QRICH2: variants seen among roughly 807,000 people sequenced by gnomAD.
QRICH2 encodes glutamine rich 2, also known as glutamine-rich protein 2.
In QRICH2, 119 loss-of-function variants were observed where a neutral mutation model predicts 168.3. The ratio of observed to expected loss-of-function variants is 0.71; its 90% CI spans 0.61 to 0.82. QRICH2 has a LOEUF of 0.82. QRICH2 is among the 40% of genes least tolerant of loss of function. The pLI is 0.00. For missense variants in QRICH2, 2,241 were observed against 2,491.6 expected, an observed-to-expected ratio of 0.90 and a Z score of 2.14; for synonymous variants, 894 against 951.2, an observed-to-expected ratio of 0.94 and a Z score of 1.11.
chr17:76,300,473 T>A (rs1294850704), intron 3 of QRICH2, among the ~76,000 whole-genome samples: 1 of 152,006 alleles, frequency 6.6e-6, no homozygotes, highest in East Asian at 1.9e-4. Flanking sequence ...CTGAGACAAA[T>A]ATGACCTGAG....
intron 3 of QRICH2, among the ~76,000 whole-genome samples, chr17:76,295,950 C>T (rs565985001): frequency 1.3e-5 from 2 of 152,254 alleles, no homozygotes; most frequent in South Asian, 2.1e-4. Flanking sequence ...TGAGGCTGGG[C>T]GCAGTGGCTC....
chr17:76,296,978 G>A (rs1437734612), intron 3 of QRICH2, among the ~76,000 whole-genome samples: 23 of 152,128 alleles, frequency 1.5e-4, no homozygotes. Flanking sequence ...CATGGGGCTG[G>A]AAATGGTGCC....
chr17:76,279,340 G>A lies in QRICH2; in HGVS notation c.4814+23C>T, dbSNP rs375693307. ...ACGCAGCCCTGCCATGCGAGGCCAC[G>A]TGCCGGCGGTGTGGGCACTCACTGT... On this transcript the variant is annotated intron_variant, in intron 13 of 18. Coordinates refer to ENST00000680821, the MANE Select transcript of QRICH2 (RefSeq NM_001388453.1). The A allele has an allele frequency of 1.7e-5, 27 of 1,604,476 alleles. No homozygotes were observed. The African/African-American group carries it at 2.5e-4, about 15-fold the overall frequency.
Position 76,288,412 on chromosome 17 carries a change from A to T in QRICH2, c.3799-515T>A, listed in dbSNP as rs868317319. The stretch of plus-strand genomic sequence containing the variant: ...AAAAAAAAAAAAAAAAAAAAAAAAA[A>T]GGAATGACTGGGCCGGGCGTGGTGG... On this transcript the variant is annotated intron_variant, in intron 5 of 18. Transcript: ENST00000680821. 1.0e-4 allele frequency among the ~76,000 whole-genome samples: 14 copies of T among 140,634 alleles called. 1 individual carries two copies. In the South Asian group the frequency reaches 2.8e-3, roughly 29 times the overall value. 92.3% of individuals were successfully genotyped at this position (140,634 alleles called of 152,430 possible).
Position 76,281,621 on chromosome 17 carries a change from C to T in QRICH2, c.4263+243G>A, listed in dbSNP as rs1355563437. Among the ~76,000 whole-genome samples, 1 of 152,226 alleles carries T rather than the reference C, an allele frequency of 6.6e-6. No homozygotes were observed. The highest frequency in any genetic ancestry group is 1.9e-4 in the East Asian group (1 of 5,196). On this transcript the variant is annotated intron_variant, in intron 8 of 18. Transcript: ENST00000680821. The surrounding 1 kb of genome is among the most constrained non-coding windows in gnomAD (Gnocchi z 4.4). ...CTGTCCTCAGCCGGCCTGTGCTGTC[C>T]CACCCCATCAAGCCAGCTCTTCCCC...
chr17:76,300,554 G>T (rs573692824), intron 3 of QRICH2, among the ~76,000 whole-genome samples: 1 of 152,062 alleles, frequency 6.6e-6, no homozygotes, highest in African/African-American at 2.4e-5. Flanking sequence ...TTTGAAACTG[G>T]GTGTTAACCT....
At chr17:76,304,971 A>G (rs755522836) in intron 1 of QRICH2, 30 bp from the exon 2 acceptor site, 2 of 1,546,670 alleles carry the variant, frequency 1.3e-6, no homozygotes, top group Non-Finnish European at 1.8e-6. Flanking sequence ...AAGGAGAATG[A>G]CAGTGGCCCC....
At position 76,287,218 on chromosome 17, in the gene QRICH2, C is replaced by T. The variant is rs2070905133; in HGVS notation, c.3985G>A (p.Glu1329Lys). ...GKAAMENSVS[E>K]ASLYLQDQLD... is the part of the protein sequence containing the mutation. Reference sequence around the variant, plus strand: ...TGGTCCTGCAGGTAAAGGGAGGCTTCAGAGACAGAATTTTCCATGGCAGCC... The same window carrying T: ...TGGTCCTGCAGGTAAAGGGAGGCTTTAGAGACAGAATTTTCCATGGCAGCC... Residue 1329 changes from glutamate (E) to lysine (K), a missense_variant, in exon 7 of 19, where the codon GAA becomes AAA. Physicochemically the swap from Glu to Lys is moderately conservative, Grantham distance 56. Transcript: ENST00000680821. 6.2e-7 allele frequency: 1 copy of T among 1,613,924 alleles called. No homozygotes were observed. The highest frequency in any genetic ancestry group is 8.5e-7 in the Non-Finnish European group (1 of 1,179,850).
chr17:76,307,971 G>A lies in QRICH2; in HGVS notation c.28C>T (p.Arg10Trp). Residue 10 changes from arginine (R) to tryptophan (W), a missense_variant, in exon 1 of 19, where the codon CGG (arginine) becomes TGG (tryptophan). Transcript: ENST00000680821. The surrounding 1 kb of genome is among the most constrained non-coding windows in gnomAD (Gnocchi z 5.3). ...CCGATGGAGAGGTCCGCCAGCTCCC[G>A]GAGGGAGACCGTGGTCGCGGGCGGC... is the stretch of plus-strand genomic sequence containing the variant. MPPATTVSLRELADLSIGTP... is the reference protein window; with the variant it reads MPPATTVSLWELADLSIGTP... The A allele has an allele frequency of 1.6e-6, 2 of 1,233,616 alleles. No homozygotes were observed. Among genetic ancestry groups the A allele is most frequent in the Non-Finnish European group, 2.0e-6 (2 of 988,712 alleles). The allele number at this position is 1,233,616 out of a possible 1,614,324, so 76.4% of individuals were successfully genotyped here.
chr17:76,287,093 G>T, intron 7 of QRICH2, 99 bp downstream of exon 7: 4 of 618,932 alleles, frequency 6.5e-6, no homozygotes, highest in East Asian at 3.3e-5. Flanking sequence ...CACACATGAT[G>T]GGAGGGACCT....
Position 76,304,214 on chromosome 17 carries a change from C to T in QRICH2, c.705+201G>A, listed in dbSNP as rs346790. ...TCAATGGCTAGCCAAATCACTAACA[C>T]ACATCCCTTTCTAGGGATGCATGTT... On this transcript the variant is annotated intron_variant, in intron 3 of 18. Coordinates refer to ENST00000680821, the MANE Select transcript of QRICH2 (RefSeq NM_001388453.1). Among the ~76,000 whole-genome samples the T allele has an allele frequency of 0.14, 21,236 of 152,240 alleles. 1,536 individuals carry two copies. The highest frequency in any genetic ancestry group is 0.2 in the South Asian group (950 of 4,830).
rs781592597 is a variant in QRICH2 at position 76,277,982 on chromosome 17, C to A, written c.5117+7G>T. 16 of 1,609,770 alleles carry A rather than the reference C, an allele frequency of 9.9e-6. No individual in the cohort carries two copies. In the Admixed American group the frequency reaches 2.5e-4, roughly 25 times the overall value. Reference sequence around the variant, plus strand: ...TGCTCCCATGGCCTCGCCCGCCTCTCCTGTACCGTTTGTAGCAGGGGGAGC... The same window carrying A: ...TGCTCCCATGGCCTCGCCCGCCTCTACTGTACCGTTTGTAGCAGGGGGAGC... On this transcript the variant is annotated splice_region_variant and intron_variant, in intron 15 of 18. Transcript: ENST00000680821.
Position 76,280,954 on chromosome 17 carries a change from C to T in QRICH2, c.4264-1G>A. The T allele has an allele frequency of 6.2e-7, 1 of 1,608,558 alleles. No homozygotes were observed. Among genetic ancestry groups the T allele is most frequent in the Non-Finnish European group, 8.5e-7 (1 of 1,179,894 alleles). On this transcript the variant is annotated splice_acceptor_variant, in intron 8 of 18. Transcript: ENST00000680821. LOFTEE classifies it high-confidence loss of function. The surrounding 1 kb of genome is among the most constrained non-coding windows in gnomAD (Gnocchi z 7.4). ...GCACACGGCCCAGCAGCTCCTCGTC[C>T]TGCGGCAGGAGGGATGGGAAGGCTC...
chr17:76,275,942 C>T lies in QRICH2; in HGVS notation c.5359G>A (p.Gly1787Arg), dbSNP rs1411689714. 2.5e-6 allele frequency: 4 copies of T among 1,607,494 alleles called. No homozygotes were observed. The highest frequency in any genetic ancestry group is 2.7e-5 in the African/African-American group (2 of 75,012). The change falls in exon 18 of 19, where the codon GGG becomes AGG. Residue 1787 changes from glycine (G) to arginine (R), a missense_variant. Around this residue, in one of 3 missense-constraint regions of QRICH2, gnomAD observed 189 missense variants for 169.3 expected, o/e 1.12. Coordinates refer to ENST00000680821, the MANE Select transcript of QRICH2 (RefSeq NM_001388453.1). ...TGCTGGGACTTGCGCTTTGAGGTCC[C>T]TGAGCCTGATGGGGGACAGGAGGGA... ...LPGILRKDSS[G>R]TSKRKSQQPR...
At chr17:76,289,233 G>A (rs1228937829) in intron 5 of QRICH2, among the ~76,000 whole-genome samples, 3 of 152,146 alleles carry the variant, frequency 2.0e-5, no homozygotes, top group Non-Finnish European at 2.9e-5. Context: ...CTGTCACTCA[G>A]GCTAGAGTGC....
At position 76,292,570 on chromosome 17, in the gene QRICH2, AT is replaced by A. The variant is rs2071028379; in HGVS notation, c.2156del (p.Asp719ValfsTer17). On this transcript the variant is annotated frameshift_variant, in exon 4 of 19. Transcript: ENST00000680821. LOFTEE classifies it high-confidence loss of function. ...GLVQSGADQS[D>X]LAQPGAVQHG... Reference sequence around the variant, plus strand: ...GCTGAACTGCACCAGGTTGAGCCAAATCACTCTGATCTGCACCAGATTGTAC... The same window carrying A: ...GCTGAACTGCACCAGGTTGAGCCAAACACTCTGATCTGCACCAGATTGTAC... 2 of 1,613,900 alleles carry A rather than the reference AT, an allele frequency of 1.2e-6. No individual in the cohort carries two copies. Among genetic ancestry groups the A allele is most frequent in the Non-Finnish European group, 1.7e-6 (2 of 1,179,912 alleles).
rs2070747295 is a variant in QRICH2, at chr17:76,279,423, A to G, written c.4754T>C (p.Leu1585Pro). 3 of 1,611,112 alleles carry G rather than the reference A, an allele frequency of 1.9e-6. No individual in the cohort carries two copies. The part of the protein sequence containing the change: ...ADEAAAMRRQ[L>P]LAHFHCLSCD... ...TGAGAGGCAGTGGAAATGTGCCAGGAGCTGCCTGTTAGGAATGGGACGCAC... is the reference window on the plus strand; with the variant it reads ...TGAGAGGCAGTGGAAATGTGCCAGGGGCTGCCTGTTAGGAATGGGACGCAC... Residue 1585 changes from leucine to proline, a missense_variant, in exon 13 of 19, where the codon CTC becomes CCC. This residue lies in a region of QRICH2 where 2,047 missense variants were observed against 2,303.8 expected (regional missense o/e 0.89). Coordinates refer to ENST00000680821, the MANE Select transcript of QRICH2 (RefSeq NM_001388453.1).
upstream of QRICH2, chr17:76,309,498 C>T (rs1200754210): frequency 6.6e-6 from 1 of 152,052 alleles, no homozygotes; most frequent in East Asian, 1.9e-4. Context: ...AAGATTCTTC[C>T]CAAAAACGTA....
chr17:76,277,894 C>T, intron 15 of QRICH2, 95 bp downstream of exon 15: 1 of 1,333,644 alleles, frequency 7.5e-7, no homozygotes, highest in Non-Finnish European at 1.1e-6. Context: ...TCTCCCCCAG[C>T]AGTGGGGCAA....
Sources: allele counts gnomAD v4.1 joint callset (sites outside exome capture counted in the v4.1 genomes callset), GRCh38; gene constraint gnomAD v4.1.1; regional missense constraint gnomAD v4.1.1; non-coding constraint Gnocchi (gnomAD v3.1); transcripts MANE v1.5; gene names NCBI Gene and HGNC (gene_info 2026-07-23, HGNC 2026-07-21).